TWIST2: variants seen among roughly 807,000 people sequenced by gnomAD.
TWIST2 encodes the protein twist-related protein 2.
A neutral mutation model predicts 11.6 loss-of-function variants in TWIST2; 1 was observed. That is an observed-to-expected ratio of 0.09 (90% CI 0.03 to 0.41). The LOEUF (loss-of-function observed/expected upper bound fraction) is 0.41. Among genes scored for constraint, TWIST2 ranks in the 10% least tolerant of loss-of-function variants. TWIST2 has a pLI of 0.98. For missense variants in TWIST2, 168 were observed against 226.4 expected (o/e 0.74, Z 1.66); for synonymous variants, 87 against 96.6 (o/e 0.90, Z 0.58).
At chr2:238,907,375 C>G (rs1255234931) in intron 1 of TWIST2, among the ~76,000 whole-genome samples, 2 of 152,166 alleles carry the variant, frequency 1.3e-5, no homozygotes, top group African/African-American at 4.8e-5. Flanking sequence ...GGATTGGGGT[C>G]CCCACCCCGG....
chr2:238,894,580 C>A (rs1200977207), intron 1 of TWIST2, among the ~76,000 whole-genome samples: 1 of 152,224 alleles, frequency 6.6e-6, no homozygotes, highest in Non-Finnish European at 1.5e-5. Flanking sequence ...CTGATGGTGT[C>A]TGTGGCCCCC....
intron 1 of TWIST2, among the ~76,000 whole-genome samples, chr2:238,861,814 AT>A (rs1692441903): frequency 1.3e-5 from 2 of 152,256 alleles, no homozygotes; most frequent in African/African-American, 4.8e-5. Context: ...AAATTGATAC[AT>A]TTTAAATTGC....
At position 238,864,700 on chromosome 2, in the gene TWIST2, G is replaced by A. The variant is rs753990256; in HGVS notation, c.*35+15967G>A. Among the ~76,000 whole-genome samples the A allele has an allele frequency of 6.6e-6, 1 of 152,180 alleles. No homozygotes were observed. The highest frequency in any genetic ancestry group is 2.1e-4 in the South Asian group (1 of 4,832). On this transcript the variant is annotated intron_variant, in intron 1 of 1. Coordinates refer to ENST00000612363, the MANE Select transcript of TWIST2 (RefSeq NM_001271893.4). This position sits in a 1 kb window ranked among gnomAD's most constrained non-coding sequence, Gnocchi z 4.7. ...GTGCGGGGCCGTGGCTTGCTCTGTGGGGACACTGCCCTGGGGTCCACCCTG... is the reference window on the plus strand; with the variant it reads ...GTGCGGGGCCGTGGCTTGCTCTGTGAGGACACTGCCCTGGGGTCCACCCTG...
chr2:238,849,273 C>T (rs1247162532), intron 1 of TWIST2, among the ~76,000 whole-genome samples: 1 of 152,208 alleles, frequency 6.6e-6, no homozygotes, highest in East Asian at 1.9e-4. Context: ...CTGGGGTCCC[C>T]GGCCGTCGGC....
At chr2:238,876,200 G>C (rs1226496246) in intron 1 of TWIST2, among the ~76,000 whole-genome samples, 1 of 152,244 alleles carries the variant, frequency 6.6e-6, no homozygotes, top group Non-Finnish European at 1.5e-5. Context: ...CCTCACTAGA[G>C]TGAAATCAAG....
chr2:238,887,967 G>A (rs924106851), intron 1 of TWIST2, among the ~76,000 whole-genome samples: 3 of 152,316 alleles, frequency 2.0e-5, no homozygotes, highest in South Asian at 2.1e-4. Context: ...GCCGCCTCTC[G>A]TGTTGTCCTG....
Position 238,892,264 on chromosome 2 carries a change from G to C in TWIST2, c.*36-17578G>C, listed in dbSNP as rs76354306. 1.4e-4 allele frequency among the ~76,000 whole-genome samples: 22 copies of C among 152,318 alleles called. No homozygotes were observed. The East Asian group carries it at 4.1e-3, about 28-fold the overall frequency. ...AAGCCTCAGGACAGAGAGAAACAGA[G>C]GTCCAGGTGGAAATGCGGAGGCGGC... is the stretch of plus-strand genomic sequence containing the variant. On this transcript the variant is annotated intron_variant, in intron 1 of 1. Coordinates refer to ENST00000612363, the MANE Select transcript of TWIST2 (RefSeq NM_001271893.4).
intron 1 of TWIST2, among the ~76,000 whole-genome samples, chr2:238,900,940 A>AT (rs1278619168): frequency 0.079 from 11,483 of 145,530 alleles, 511 homozygotes; most frequent in East Asian, 0.17. Context: ...TTCCTCTGCC[A>AT]TTTTTTCTGA....
At chr2:238,877,613 T>G (rs1692830497) in intron 1 of TWIST2, among the ~76,000 whole-genome samples, 1 of 152,172 alleles carries the variant, frequency 6.6e-6, no homozygotes, top group African/African-American at 2.4e-5. Flanking sequence ...GATCCTTATA[T>G]ATGTTTAGTG....
intron 1 of TWIST2, among the ~76,000 whole-genome samples, chr2:238,855,376 TG>T (rs1692312597): frequency 6.6e-6 from 1 of 152,198 alleles, no homozygotes; most frequent in Non-Finnish European, 1.5e-5. Context: ...GTGTCTTCAT[TG>T]AGGATTAATT....
intron 1 of TWIST2, among the ~76,000 whole-genome samples, chr2:238,898,117 C>T (rs1325342956): frequency 1.3e-5 from 2 of 152,220 alleles, no homozygotes; most frequent in African/African-American, 2.4e-5. Flanking sequence ...CTGCAGCTGG[C>T]GAACGCGGTC....
At chr2:238,855,545 G>A (rs796861868) in intron 1 of TWIST2, among the ~76,000 whole-genome samples, 7 of 152,152 alleles carry the variant, frequency 4.6e-5, no homozygotes, top group South Asian at 2.1e-4. Context: ...TGATCATTTC[G>A]CATTCCTTGT....
chr2:238,855,425 A>G (rs949259776), intron 1 of TWIST2, among the ~76,000 whole-genome samples: 4 of 152,176 alleles, frequency 2.6e-5, no homozygotes, highest in African/African-American at 7.2e-5. Context: ...CATACTACAT[A>G]TATACTGGTT....
intron 1 of TWIST2, among the ~76,000 whole-genome samples, chr2:238,884,637 C>G (rs917871290): frequency 8.5e-5 from 13 of 152,314 alleles, no homozygotes; most frequent in Middle Eastern, 3.4e-3. Context: ...GGGCAGGCAG[C>G]AGAGGCGAGG....
At chr2:238,869,600 G>T (rs1429398666) in intron 1 of TWIST2, among the ~76,000 whole-genome samples, 1 of 152,188 alleles carries the variant, frequency 6.6e-6, no homozygotes, top group Non-Finnish European at 1.5e-5. Context: ...ATGAAAAGAT[G>T]CTTGACACTA....
At chr2:238,896,173 G>C in intron 1 of TWIST2, among the ~76,000 whole-genome samples, 1 of 152,324 alleles carries the variant, frequency 6.6e-6, no homozygotes, top group Non-Finnish European at 1.5e-5. Context: ...GGATCCGGAA[G>C]ACGGCTCCGC....
chr2:238,899,515 C>T (rs1192104050), intron 1 of TWIST2, among the ~76,000 whole-genome samples: 2 of 152,188 alleles, frequency 1.3e-5, no homozygotes, highest in African/African-American at 2.4e-5. Flanking sequence ...CCCAAGGCTG[C>T]GCCACAGAGA....
chr2:238,852,103 A>G (rs533819376), intron 1 of TWIST2, among the ~76,000 whole-genome samples: 84 of 152,300 alleles, frequency 5.5e-4, no homozygotes, highest in African/African-American at 1.9e-3. Flanking sequence ...GACGGCACAG[A>G]TGCCGGATTC....
intron 1 of TWIST2, among the ~76,000 whole-genome samples, chr2:238,884,695 C>T (rs36113770): frequency 0.54 from 82,398 of 152,086 alleles, 22,446 homozygotes; most frequent in Middle Eastern, 0.6. Flanking sequence ...ATGAAGGGTC[C>T]GGCTGCTGCT....
Sources: gnomAD v4.1 joint callset for allele counts (sites outside exome capture counted in the v4.1 genomes callset) on GRCh38, gnomAD v4.1.1 for gene constraint, Gnocchi (gnomAD v3.1) non-coding constraint, MANE v1.5 for transcripts, NCBI Gene and HGNC (gene_info 2026-07-23, HGNC 2026-07-21) for gene names.